The following TRNT1 variants were observed in gnomAD, a reference collection of about 807,000 sequenced individuals.
TRNT1 encodes the protein CCA tRNA nucleotidyltransferase 1, mitochondrial.
A neutral mutation model predicts 45.6 loss-of-function variants in TRNT1; 44 were observed. The ratio of observed to expected loss-of-function variants is 0.97; its 90% CI spans 0.76 to 1.24. TRNT1 has a LOEUF of 1.24. TRNT1 is among the 50% of genes most tolerant of loss of function. The pLI, the probability that TRNT1 is intolerant of heterozygous loss-of-function variation, is 0.00. For synonymous variants in TRNT1, 201 were observed against 171.4 expected, an observed-to-expected ratio of 1.17 and a Z score of -1.35; for missense variants, 633 against 504.4, an observed-to-expected ratio of 1.25 and a Z score of -2.44.
At chr3:3,142,659 G>T (rs1275414626) in intron 4 of TRNT1, among the ~76,000 whole-genome samples, 1 of 152,102 alleles carries the variant, frequency 6.6e-6, no homozygotes, top group Non-Finnish European at 1.5e-5. Context: ...TGGCATTTAT[G>T]GTTGGTTACT....
intron 2 of TRNT1, chr3:3,136,606 AC>A (rs1275349886): frequency 4.7e-6 from 2 of 429,402 alleles, no homozygotes; most frequent in African/African-American, 4.2e-5. Context: ...TAAAGTATGC[AC>A]ATAAATGGGG....
At chr3:3,140,489 A>C (rs756105253) in intron 3 of TRNT1, 21 bp from the exon 4 acceptor site, 10 of 1,606,194 alleles carry the variant, frequency 6.2e-6, no homozygotes, top group South Asian at 4.5e-5. Flanking sequence ...GACAACAAAA[A>C]CCCCATGTAT....
downstream of TRNT1, among the ~76,000 whole-genome samples, chr3:3,152,004 A>G (rs1706592002): frequency 6.6e-6 from 1 of 152,218 alleles, no homozygotes; most frequent in Non-Finnish European, 1.5e-5. Context: ...GACTGACAGA[A>G]AAAAACAATT....
In TRNT1 at chr3:3,148,238, C is replaced by T. The variant is rs370590725; in HGVS notation, c.*84C>T. The T allele has an allele frequency of 1.4e-6, 2 of 1,470,066 alleles. No individual in the cohort carries two copies. Among genetic ancestry groups the T allele is most frequent in the South Asian group, 2.7e-5 (2 of 74,276 alleles). The allele number at this position is 1,470,066 out of a possible 1,614,324, so 91.1% of individuals were successfully genotyped here. ...TCTTAATGAGGTTTTAGAGACTACA[C>T]CAGAATAAAAGACAGTTTAGGGGAC... On this transcript the variant is annotated 3_prime_UTR_variant, in exon 8 of 8. Transcript: ENST00000251607.
At chr3:3,147,778 T>G (rs1238784641) in intron 7 of TRNT1, 75 bp downstream of exon 7, 11 of 1,524,956 alleles carry the variant, frequency 7.2e-6, no homozygotes, top group East Asian at 2.3e-5. Context: ...AAAACTAAGA[T>G]CTACAAATCT....
rs748198098 is a variant in TRNT1, at chr3:3,137,364, A to G, written c.253A>G (p.Thr85Ala). Reference protein sequence around the residue: ...PQDIDFATTATPTQMKEMFQS... With the variant: ...PQDIDFATTAAPTQMKEMFQS... Reference sequence around the variant, plus strand: ...GGATATAGATTTTGCCACCACTGCTACCCCTACTCAAATGAAGGAGATGTT... The same window carrying G: ...GGATATAGATTTTGCCACCACTGCTGCCCCTACTCAAATGAAGGAGATGTT... Residue 85 changes from threonine (T) to alanine (A), a missense_variant, in exon 3 of 8, where the codon ACC becomes GCC. Coordinates refer to ENST00000251607, the MANE Select transcript of TRNT1 (RefSeq NM_182916.3). 6.2e-7 allele frequency: 1 copy of G among 1,613,964 alleles called. No homozygotes were observed. The highest frequency in any genetic ancestry group is 8.5e-7 in the Non-Finnish European group (1 of 1,179,898).
At chr3:3,139,768 C>A (rs1705532738) in intron 3 of TRNT1, among the ~76,000 whole-genome samples, 1 of 152,176 alleles carries the variant, frequency 6.6e-6, no homozygotes, top group Non-Finnish European at 1.5e-5. Flanking sequence ...CACTCTGTTG[C>A]CTAGGCTGGA....
downstream of TRNT1, among the ~76,000 whole-genome samples, chr3:3,152,302 G>T (rs189302157): frequency 6.6e-6 from 1 of 151,550 alleles, no homozygotes; most frequent in Non-Finnish European, 1.5e-5. Context: ...ACAGACCCCT[G>T]CCCCCATACC....
chr3:3,135,744 G>T (rs1705290387), intron 2 of TRNT1, among the ~76,000 whole-genome samples: 1 of 152,100 alleles, frequency 6.6e-6, no homozygotes, highest in Non-Finnish European at 1.5e-5. Context: ...AGAGGTGCTG[G>T]AACTTTGATG....
At chr3:3,140,675 G>A (rs751758165) in intron 4 of TRNT1, 27 bp downstream of exon 4, 14 of 1,609,054 alleles carry the variant, frequency 8.7e-6, no homozygotes, top group Middle Eastern at 1.7e-4. Flanking sequence ...AAACCATATT[G>A]TGAGTCTATC....
At chr3:3,143,611 C>G (rs1705798909) in intron 4 of TRNT1, among the ~76,000 whole-genome samples, 1 of 152,192 alleles carries the variant, frequency 6.6e-6, no homozygotes, top group African/African-American at 2.4e-5. Context: ...GGCATGGTGG[C>G]TTATGCCTGT....
At chr3:3,151,064 A>G (rs1004480829), downstream of TRNT1, 2 of 1,613,150 alleles carry the variant, frequency 1.2e-6, no homozygotes, top group Middle Eastern at 3.3e-4. Context: ...TTAAGGAAAG[A>G]TATCAGCTAA....
intron 4 of TRNT1, among the ~76,000 whole-genome samples, chr3:3,141,487 T>C (rs866142452): frequency 1.3e-5 from 2 of 152,334 alleles, no homozygotes; most frequent in Middle Eastern, 6.8e-3. Context: ...CTCAGATTCT[T>C]TTTTAGCATT....
At chr3:3,139,127 A>T (rs1161796480) in intron 3 of TRNT1, among the ~76,000 whole-genome samples, 1 of 152,220 alleles carries the variant, frequency 6.6e-6, no homozygotes, top group African/African-American at 2.4e-5. Flanking sequence ...TCCCATGAGC[A>T]TCTGTGCCTG....
chr3:3,128,703 G>A (rs9631486), intron 1 of TRNT1, among the ~76,000 whole-genome samples: 1 of 151,364 alleles, frequency 6.6e-6, no homozygotes, highest in African/African-American at 2.4e-5. Flanking sequence ...TTACATTCTA[G>A]CCTTGTTTAA....
At position 3,137,241 on chromosome 3, in the gene TRNT1, T is replaced by G. The variant is rs3762748; in HGVS notation, c.149-19T>G. ...AATAAAGAACTTGGGAATAAAAATC[T>G]TATTTTCTCTCATCTCAGAATTATT... On this transcript the variant is annotated intron_variant, in intron 2 of 7. Coordinates refer to ENST00000251607, the MANE Select transcript of TRNT1 (RefSeq NM_182916.3). 188 of 1,554,632 alleles carry G rather than the reference T, an allele frequency of 1.2e-4. No homozygotes were observed. In the East Asian group the frequency reaches 4.3e-3, roughly 35 times the overall value.
intron 4 of TRNT1, among the ~76,000 whole-genome samples, chr3:3,143,763 C>A (rs1705808109): frequency 6.6e-6 from 1 of 152,092 alleles, no homozygotes; most frequent in East Asian, 1.9e-4. Context: ...ACTTGGGAGG[C>A]TGAAGCAGGA....
rs905963913 is a variant in TRNT1 at position 3,148,834 on chromosome 3, A to G, written c.*680A>G. ...ATTAATTATTGTTTTAATAAAACAA[A>G]CATTGGTATTGGAAGATAAATATGT... On this transcript the variant is annotated 3_prime_UTR_variant, in exon 8 of 8. Coordinates refer to ENST00000251607, the MANE Select transcript of TRNT1 (RefSeq NM_182916.3). 1 of 152,174 alleles carries G rather than the reference A, an allele frequency of 6.6e-6. No homozygotes were observed. The highest frequency in any genetic ancestry group is 2.4e-5 in the African/African-American group (1 of 41,440). The allele number at this position is 152,174 out of a possible 1,614,324, so 9.4% of individuals were successfully genotyped here. A position where few individuals can be genotyped will look rare whatever the true frequency, so the allele number is the denominator to read the frequency against.
At chr3:3,133,169 A>G (rs1705119748) in intron 2 of TRNT1, among the ~76,000 whole-genome samples, 1 of 152,156 alleles carries the variant, frequency 6.6e-6, no homozygotes, top group East Asian at 1.9e-4. Flanking sequence ...AGAATAGTGT[A>G]TTATTGTCAT....
Sources: allele counts gnomAD v4.1 joint callset (sites outside exome capture counted in the v4.1 genomes callset), GRCh38; gene constraint gnomAD v4.1.1; transcripts MANE v1.5; gene names NCBI Gene and HGNC (gene_info 2026-07-23, HGNC 2026-07-21).